Variants in CCNB1IP1 observed in about 807,000 individuals in gnomAD.
CCNB1IP1 encodes cyclin B1 interacting protein 1, also known as E3 ubiquitin-protein ligase CCNB1IP1.
CCNB1IP1 carries 14 observed loss-of-function variants against 25.6 expected under a neutral mutation model. The observed-to-expected ratio is 0.55, with a 90% CI of 0.36 to 0.85. The LOEUF (loss-of-function observed/expected upper bound fraction) is 0.85, where lower values mean the gene tolerates loss of function less well. CCNB1IP1 is among the 40% of genes least tolerant of loss of function. CCNB1IP1 has a pLI of 0.01. For synonymous variants in CCNB1IP1, 119 were observed against 116.1 expected, an observed-to-expected ratio of 1.02 and a Z score of -0.16; for missense variants, 278 against 342.4, an observed-to-expected ratio of 0.81 and a Z score of 1.48.
chr14:20,330,825 C>G (rs1005534071), intron 1 of CCNB1IP1: 1 of 152,160 alleles, frequency 6.6e-6, no homozygotes, highest in Admixed American at 6.6e-5. Context: ...GGTGATCCAC[C>G]CTCCTCGGCC....
At chr14:20,315,854 G>C (rs878987541) in intron 5 of CCNB1IP1, 3 of 802,460 alleles carry the variant, frequency 3.7e-6, no homozygotes, top group Non-Finnish European at 5.4e-6. Context: ...GACTAGCCTG[G>C]GCAACACAAG....
chr14:20,325,207 G>T (rs1276504448), intron 4 of CCNB1IP1, among the ~76,000 whole-genome samples: 1 of 150,710 alleles, frequency 6.6e-6, no homozygotes, highest in African/African-American at 2.4e-5. Context: ...GGATCACGAG[G>T]TCAGGAGATC....
Position 20,330,229 on chromosome 14 carries a change from T to C in CCNB1IP1, c.-430-856A>G, listed in dbSNP as rs200278825. Among the ~76,000 whole-genome samples, 8 of 152,218 alleles carry C rather than the reference T, an allele frequency of 5.3e-5. No homozygotes were observed. In the East Asian group the frequency reaches 1.5e-3, roughly 29 times the overall value. On this transcript the variant is annotated intron_variant, in intron 1 of 6. Coordinates refer to ENST00000358932, the MANE Select transcript of CCNB1IP1 (RefSeq NM_021178.5). ...ACCAAGTATTGCATGTTCTCACTTA[T>C]AAGTGGGAGCTAAATCTTGCGTTGG...
intron 4 of CCNB1IP1, chr14:20,317,923 C>T (rs1320565307): frequency 1.3e-5 from 2 of 152,222 alleles, no homozygotes; most frequent in African/African-American, 4.8e-5. Flanking sequence ...GGGGTTGCCC[C>T]GAAGCATCCT....
At chr14:20,311,837 T>TTTG in intron 6 of CCNB1IP1, 85 bp from the exon 7 acceptor site, 3 of 656,836 alleles carry the variant, frequency 4.6e-6, no homozygotes, top group Non-Finnish European at 4.7e-6. Flanking sequence ...AATATATATA[T>TTTG]ATGAATATAT....
intron 6 of CCNB1IP1, 51 bp downstream of exon 6, chr14:20,313,417 T>G (rs1882568393): frequency 7.1e-7 from 1 of 1,411,838 alleles, no homozygotes. Flanking sequence ...CAGAGCAGTA[T>G]AAAAAATCAT....
At chr14:20,320,454 T>C (rs1882854659) in intron 4 of CCNB1IP1, 1 of 364,434 alleles carries the variant, frequency 2.7e-6, no homozygotes, top group Non-Finnish European at 5.5e-6. Context: ...ATGTATTTCA[T>C]TTGCTTTTAG....
chr14:20,326,800 A>G lies in CCNB1IP1; in HGVS notation c.-230-7T>C, dbSNP rs544094269. 3.9e-6 allele frequency: 1 copy of G among 257,418 alleles called. No homozygotes were observed. The highest frequency in any genetic ancestry group is 2.2e-5 in the African/African-American group (1 of 44,932). 15.9% of individuals were successfully genotyped at this position (257,418 alleles called of 1,614,324 possible). ...CAATTATCTAGGATCATTTCTGGAA[A>G]ATTTAAAAAACATAAATAAATTCAC... is the stretch of plus-strand genomic sequence containing the variant. On this transcript the variant is annotated splice_polypyrimidine_tract_variant and splice_region_variant and intron_variant, in intron 2 of 6. Coordinates refer to ENST00000358932, the MANE Select transcript of CCNB1IP1 (RefSeq NM_021178.5).
chr14:20,312,281 G>A (rs1044266977), intron 6 of CCNB1IP1, among the ~76,000 whole-genome samples: 12 of 152,140 alleles, frequency 7.9e-5, no homozygotes, highest in African/African-American at 2.9e-4. Context: ...AACTCTGATT[G>A]ACTAAATTAC....
intron 4 of CCNB1IP1, among the ~76,000 whole-genome samples, chr14:20,324,954 C>A (rs1046318979): frequency 6.6e-6 from 1 of 152,058 alleles, no homozygotes; most frequent in African/African-American, 2.4e-5. Context: ...GGACTACAGG[C>A]GCACACCACC....
At chr14:20,325,038 C>A (rs1443411411) in intron 4 of CCNB1IP1, among the ~76,000 whole-genome samples, 1 of 151,956 alleles carries the variant, frequency 6.6e-6, no homozygotes, top group African/African-American at 2.4e-5. Flanking sequence ...GTCTCAAACT[C>A]CTGAGCTCAG....
At chr14:20,315,914 G>C (rs1377089789) in intron 5 of CCNB1IP1, 1 of 447,850 alleles carries the variant, frequency 2.2e-6, no homozygotes, top group Non-Finnish European at 4.1e-6. Flanking sequence ...ATAATATACT[G>C]TCAACTCTTA....
chr14:20,321,198 T>C (rs1224120183), intron 4 of CCNB1IP1, among the ~76,000 whole-genome samples: 3 of 152,122 alleles, frequency 2.0e-5, no homozygotes. Context: ...TCTGAAGATA[T>C]TATAATTAAG....
chr14:20,324,378 G>A (rs933112672), intron 4 of CCNB1IP1, among the ~76,000 whole-genome samples: 2 of 152,078 alleles, frequency 1.3e-5, no homozygotes, highest in Non-Finnish European at 2.9e-5. Flanking sequence ...GTAGAAACGA[G>A]GTTTCACCAT....
Position 20,316,338 on chromosome 14 carries a change from G to C in CCNB1IP1, c.186C>G (p.Val62=). The C allele has an allele frequency of 1.2e-6, 2 of 1,613,930 alleles. No individual in the cohort carries two copies. The highest frequency in any genetic ancestry group is 1.7e-6 in the Non-Finnish European group (2 of 1,179,858). Residue 62 remains valine (V), a synonymous_variant, in exon 5 of 7, where the codon GTC becomes GTG. Coordinates refer to ENST00000358932, the MANE Select transcript of CCNB1IP1 (RefSeq NM_021178.5). ...NSTLSGKLDI[V]RTELSPSEEY... The stretch of plus-strand genomic sequence containing the variant: ...CCTCTGATGGACTGAGTTCTGTGCG[G>C]ACAATATCTAGCTTTCCAGAAAGGG...
intron 5 of CCNB1IP1, among the ~76,000 whole-genome samples, chr14:20,315,312 A>G (rs1882654991): frequency 6.6e-6 from 1 of 152,188 alleles, no homozygotes; most frequent in African/African-American, 2.4e-5. Flanking sequence ...GAGCAACAGG[A>G]ATTCTCATTC....
At chr14:20,325,256 C>T (rs890016924) in intron 4 of CCNB1IP1, among the ~76,000 whole-genome samples, 23 of 150,296 alleles carry the variant, frequency 1.5e-4, no homozygotes, top group Admixed American at 5.3e-4. Flanking sequence ...CCCGTCTCTA[C>T]TAAAAATACA....
intron 3 of CCNB1IP1, chr14:20,326,313 A>G (rs560208087): frequency 9.0e-6 from 3 of 331,640 alleles, no homozygotes; most frequent in Middle Eastern, 6.7e-4. Context: ...AGATATCACA[A>G]AAGATCAAAG....
intron 5 of CCNB1IP1, among the ~76,000 whole-genome samples, chr14:20,315,273 G>C (rs1882653227): frequency 1.3e-5 from 2 of 151,806 alleles, no homozygotes; most frequent in African/African-American, 4.8e-5. Context: ...CCCAGAACAT[G>C]GACAATACCA....
Sources: gnomAD v4.1 joint callset for allele counts (sites outside exome capture counted in the v4.1 genomes callset) on GRCh38, gnomAD v4.1.1 for gene constraint, MANE v1.5 for transcripts, NCBI Gene and HGNC (gene_info 2026-07-23, HGNC 2026-07-21) for gene names.